The following ABCA8 variants were observed in gnomAD, a reference collection of about 807,000 sequenced individuals.
ABCA8 encodes the protein ABC-type organic anion transporter ABCA8.
Under a neutral mutation model 192.3 loss-of-function variants are expected in ABCA8, and 177 were observed. That is an observed-to-expected ratio of 0.92 (90% confidence interval 0.81 to 1.04). The LOEUF is 1.04. Among genes scored for constraint, ABCA8 ranks in the 50% least tolerant of loss-of-function variants. The pLI, the probability that ABCA8 is intolerant of heterozygous loss-of-function variation, is 0.00. For missense variants in ABCA8, 1,915 were observed against 1,904.8 expected, an observed-to-expected ratio of 1.01 and a Z score of -0.10; for synonymous variants, 642 against 690.2, an observed-to-expected ratio of 0.93 and a Z score of 1.09.
chr17:68,919,222 A>C, intron 14 of ABCA8, 79 bp downstream of exon 14: 3 of 1,310,258 alleles, frequency 2.3e-6, no homozygotes, highest in Non-Finnish European at 3.1e-6. Flanking sequence ...CGCACAAATA[A>C]TTTAAAATTA....
intron 3 of ABCA8, 88 bp downstream of exon 3, chr17:68,941,851 C>T (rs1377386484): frequency 1.2e-5 from 10 of 863,494 alleles, no homozygotes; most frequent in African/African-American, 3.4e-5. Flanking sequence ...GTGTATGTGT[C>T]GGGGGAGATA....
In ABCA8 at chr17:68,902,835, T is replaced by G. The variant is rs763851755; in HGVS notation, c.2642A>C (p.Tyr881Ser). ...GTTTTGATATATTTTCACCATGGTA[T>G]ACTCCACAAGAAGAGGGCAAAATCC... ...MAGFCPLLVE[Y>S]TMVKIYQNSY... Residue 881 changes from tyrosine to serine, a missense_variant, in exon 21 of 40, where the codon TAT becomes TCT. Tyr to Ser is a moderately radical substitution (Grantham distance 144, BLOSUM62 -2). Transcript: ENST00000586539. 2 of 1,613,852 alleles carry G rather than the reference T, an allele frequency of 1.2e-6. No individual in the cohort carries two copies. Among genetic ancestry groups the G allele is most frequent in the Non-Finnish European group, 1.7e-6 (2 of 1,179,876 alleles).
chr17:68,917,491 A>C (rs1250352871), intron 16 of ABCA8, 40 bp from the exon 17 acceptor site: 10 of 1,472,250 alleles, frequency 6.8e-6, no homozygotes, highest in African/African-American at 2.8e-5. Context: ...TTTGTTAAAA[A>C]GTGGCCCATC....
At chr17:68,940,556 G>A (rs775108322) in intron 4 of ABCA8, among the ~76,000 whole-genome samples, 1 of 152,090 alleles carries the variant, frequency 6.6e-6, no homozygotes, top group African/African-American at 2.4e-5. Flanking sequence ...GTAAACCCTT[G>A]TTTGGCAAGC....
intron 2 of ABCA8, among the ~76,000 whole-genome samples, chr17:68,946,747 T>C (rs2143800872): frequency 6.6e-6 from 1 of 152,228 alleles, no homozygotes; most frequent in South Asian, 2.1e-4. Flanking sequence ...GATACCAGCC[T>C]GCGCAACATG....
rs765731645 is a variant in ABCA8, at chr17:68,944,359, T to TATATATAC, written c.-5-2321_-5-2320insGTATATAT. Among the ~76,000 whole-genome samples, 41 of 69,440 alleles carry TATATATAC rather than the reference T, an allele frequency of 5.9e-4. 1 individual carries two copies. Among genetic ancestry groups the TATATATAC allele is most frequent in the East Asian group, 1.4e-3 (3 of 2,082 alleles). 45.6% of individuals were successfully genotyped at this position (69,440 alleles called of 152,430 possible). ...ATATATATATATATATATATATATA[T>TATATATAC]ACACATATACATACATATGCAAACA... On this transcript the variant is annotated intron_variant, in intron 2 of 39. Coordinates refer to ENST00000586539, the MANE Select transcript of ABCA8 (RefSeq NM_001288985.2).
Position 68,917,925 on chromosome 17 carries a change from C to G in ABCA8, c.2047+122G>C, listed in dbSNP as rs113899430. The G allele has an allele frequency of 7.4e-3, 8,637 of 1,171,300 alleles. 42 individuals are homozygous for G. The highest frequency in any genetic ancestry group is 9.8e-3 in the Middle Eastern group (33 of 3,382). 72.6% of individuals were successfully genotyped at this position (1,171,300 alleles called of 1,614,324 possible). On this transcript the variant is annotated intron_variant, in intron 16 of 39. Transcript: ENST00000586539. ...GCGTCCAGTTCAAATTACCACCAGC[C>G]ATTCAATTTACCAGATACAGCTAGA...
Position 68,906,077 on chromosome 17 carries a change from T to C in ABCA8, c.2365A>G (p.Lys789Glu). The C allele has an allele frequency of 1.3e-6, 2 of 1,598,710 alleles. No homozygotes were observed. The highest frequency in any genetic ancestry group is 2.7e-5 in the African/African-American group (2 of 74,578). The change falls in exon 19 of 40, where the codon AAG becomes GAG. Residue 789 changes from lysine (K) to glutamate (E), a missense_variant. Physicochemically the swap from Lys to Glu is moderately conservative, Grantham distance 56 (BLOSUM62 1). Transcript: ENST00000586539. The stretch of plus-strand genomic sequence containing the variant: ...TTAATTGTAGATTTTCCTTCTAGCT[T>C]CAGGAATACTTCATTCAAAGTTGTC... Reference protein sequence around the residue: ...SMTTLNEVFLKLEGKSTINES... With the variant: ...SMTTLNEVFLELEGKSTINES...
At chr17:68,909,464 A>G (rs774821010) in intron 17 of ABCA8, among the ~76,000 whole-genome samples, 29 of 152,342 alleles carry the variant, frequency 1.9e-4, no homozygotes, top group Admixed American at 5.2e-4. Flanking sequence ...AGGCAATTGC[A>G]CAAATAGGAG....
chr17:68,876,827 G>C, intron 33 of ABCA8, 124 bp from the exon 34 acceptor site: 2 of 1,145,410 alleles, frequency 1.7e-6, no homozygotes, highest in African/African-American at 3.1e-5. Flanking sequence ...TGGTCGGGGG[G>C]CAGGGAAGGA....
chr17:68,938,830 G>A (rs186556970), intron 4 of ABCA8, among the ~76,000 whole-genome samples: 2 of 152,244 alleles, frequency 1.3e-5, no homozygotes, highest in East Asian at 3.9e-4. Flanking sequence ...ATTTGTTAAT[G>A]AGAATCTTCT....
chr17:68,953,385 C>A (rs923650791), intron 1 of ABCA8, among the ~76,000 whole-genome samples: 1 of 152,180 alleles, frequency 6.6e-6, no homozygotes, highest in Non-Finnish European at 1.5e-5. Context: ...GAATGAGCCC[C>A]AACTGAAGCC....
intron 37 of ABCA8, among the ~76,000 whole-genome samples, chr17:68,871,066 C>A (rs1291342053): frequency 3.3e-5 from 5 of 152,114 alleles, no homozygotes; most frequent in African/African-American, 9.7e-5. Context: ...TGACACTATA[C>A]CACAGACTGG....
intron 10 of ABCA8, among the ~76,000 whole-genome samples, chr17:68,926,950 A>G (rs1397093803): frequency 6.6e-6 from 1 of 152,144 alleles, no homozygotes; most frequent in East Asian, 1.9e-4. Context: ...TTGGTTATAA[A>G]AGGAGGGAGA....
intron 32 of ABCA8, chr17:68,879,626 G>A (rs2066284313): frequency 6.6e-6 from 1 of 152,358 alleles, no homozygotes; most frequent in Non-Finnish European, 1.5e-5. Flanking sequence ...TACTCCGGGG[G>A]ACTGGCAGGG....
chr17:68,926,559 A>C (rs1398028563), intron 10 of ABCA8, among the ~76,000 whole-genome samples: 1 of 152,220 alleles, frequency 6.6e-6, no homozygotes, highest in African/African-American at 2.4e-5. Flanking sequence ...AAAGCCTTAA[A>C]ATATTAGTAG....
At position 68,881,151 on chromosome 17, in the gene ABCA8, A is replaced by G; in HGVS notation, c.4007T>C (p.Ile1336Thr). 1 of 1,613,974 alleles carries G rather than the reference A, an allele frequency of 6.2e-7. No individual in the cohort carries two copies. The stretch of plus-strand genomic sequence containing the variant: ...AGCAGTTGGTTTTGTGTCTCCAGTT[A>G]TCACCTTAATGGATGTGCTTTTACC... ...GAGKSTSIKV[I>T]TGDTKPTAGQ... Residue 1336 changes from isoleucine to threonine, a missense_variant, in exon 32 of 40, where the codon ATA (isoleucine) becomes ACA (threonine). By Grantham distance (89) the Ile-to-Thr change is moderately conservative (BLOSUM62 -1). Transcript: ENST00000586539.
At chr17:68,896,895 C>T (rs1424333558) in intron 21 of ABCA8, among the ~76,000 whole-genome samples, 1 of 152,190 alleles carries the variant, frequency 6.6e-6, no homozygotes, top group African/African-American at 2.4e-5. Flanking sequence ...GCTAGTCTTG[C>T]TGTTGCACCT....
At chr17:68,882,516 T>C in intron 30 of ABCA8, 83 bp downstream of exon 30, 1 of 1,276,426 alleles carries the variant, frequency 7.8e-7, no homozygotes, top group Non-Finnish European at 1.1e-6. Context: ...GATCCTCATT[T>C]GTAAGGAACA....
Sources: gnomAD v4.1 joint callset for allele counts (sites outside exome capture counted in the v4.1 genomes callset) on GRCh38, gnomAD v4.1.1 for gene constraint, MANE v1.5 for transcripts, NCBI Gene and HGNC (gene_info 2026-07-23, HGNC 2026-07-21) for gene names.